Variants in COL14A1 observed in about 807,000 individuals in gnomAD.
COL14A1 encodes collagen type XIV alpha 1 chain.
COL14A1 carries 136 observed loss-of-function variants against 230.3 expected under a neutral mutation model. The observed-to-expected ratio is 0.59, with a 90% confidence interval of 0.51 to 0.68. The LOEUF is 0.68. Ranked by LOEUF, COL14A1 falls within the 30% of genes least tolerant of loss-of-function variation. The pLI is 0.00. For missense variants in COL14A1, 1,976 were observed against 2,215.8 expected, an observed-to-expected ratio of 0.89 and a Z score of 2.17; for synonymous variants, 792 against 784.1, an observed-to-expected ratio of 1.01 and a Z score of -0.17.
intron 6 of COL14A1, among the ~76,000 whole-genome samples, chr8:120,197,430 A>T (rs1266902179): frequency 2.6e-5 from 4 of 152,112 alleles, no homozygotes; most frequent in Admixed American, 6.6e-5. Context: ...AAAATAATAA[A>T]TCTTTATTAA....
intron 1 of COL14A1, among the ~76,000 whole-genome samples, chr8:120,130,301 C>A (rs1308615824): frequency 6.6e-6 from 1 of 152,222 alleles, no homozygotes; most frequent in East Asian, 1.9e-4. Context: ...CATAGACCAG[C>A]TACTTTGAGT....
intron 5 of COL14A1, among the ~76,000 whole-genome samples, chr8:120,195,936 G>T (rs1207839736): frequency 6.6e-6 from 1 of 152,110 alleles, no homozygotes; most frequent in Admixed American, 6.5e-5. Context: ...AATAGAAATG[G>T]TGAGTTTCCC....
intron 13 of COL14A1, among the ~76,000 whole-genome samples, chr8:120,215,005 C>G (rs1276123753): frequency 6.6e-6 from 1 of 152,134 alleles, no homozygotes; most frequent in Non-Finnish European, 1.5e-5. Flanking sequence ...CAGCTAGTGG[C>G]ATGGAAAAGG....
chr8:120,315,570 G>A lies in COL14A1; in HGVS notation c.4589G>A (p.Gly1530Asp), dbSNP rs1260599743. 6.2e-7 allele frequency: 1 copy of A among 1,613,432 alleles called. No homozygotes were observed. Among genetic ancestry groups the A allele is most frequent in the Admixed American group, 1.7e-5 (1 of 59,982 alleles). The change falls in exon 39 of 48, where the codon GGC becomes GAC. Residue 1530 changes from glycine (G) to aspartate (D), a missense_variant. Around this residue, in one of 3 missense-constraint regions of COL14A1, gnomAD observed 1,791 missense variants for 2,019.5 expected, o/e 0.89. Transcript: ENST00000297848. Reference sequence around the variant, plus strand: ...GAAAAAGGAGAGAAAGGAGATACTGGCCTTCCAGGTCCACAGGTATTATTT... The same window carrying A: ...GAAAAAGGAGAGAAAGGAGATACTGACCTTCCAGGTCCACAGGTATTATTT... ...PGEKGEKGDT[G>D]LPGPQGIPGG... is the part of the protein sequence containing the mutation.
chr8:120,268,292 G>C (rs1263029832), intron 25 of COL14A1, among the ~76,000 whole-genome samples: 1 of 151,588 alleles, frequency 6.6e-6, no homozygotes, highest in Non-Finnish European at 1.5e-5. Context: ...GCCTTCTTTA[G>C]TCTCAACATC....
At chr8:120,299,288 C>A (rs909291188) in intron 35 of COL14A1, among the ~76,000 whole-genome samples, 2 of 151,980 alleles carry the variant, frequency 1.3e-5, no homozygotes, top group African/African-American at 4.8e-5. Flanking sequence ...TTGCAAGCAC[C>A]AAATTCATGG....
chr8:120,305,876 TAA>T (rs1820845331), intron 36 of COL14A1, among the ~76,000 whole-genome samples: 1 of 152,200 alleles, frequency 6.6e-6, no homozygotes, highest in Admixed American at 6.5e-5. Flanking sequence ...ATACTTAGTT[TAA>T]CAATGTTTAA....
At chr8:120,220,798 A>T (rs1408911870) in intron 14 of COL14A1, among the ~76,000 whole-genome samples, 1 of 152,022 alleles carries the variant, frequency 6.6e-6, no homozygotes, top group Non-Finnish European at 1.5e-5. Context: ...GATGGTGATG[A>T]TAATGGTGAT....
chr8:120,228,628 A>T, intron 17 of COL14A1, 82 bp from the exon 18 acceptor site: 1 of 1,049,258 alleles, frequency 9.5e-7, no homozygotes, highest in Non-Finnish European at 1.5e-6. Flanking sequence ...ATATAGGTGA[A>T]ATGTTCTTTG....
intron 22 of COL14A1, among the ~76,000 whole-genome samples, chr8:120,254,927 G>A (rs775306999): frequency 1.3e-5 from 2 of 152,084 alleles, no homozygotes; most frequent in Non-Finnish European, 2.9e-5. Context: ...AGGAGGTTGA[G>A]GTTACAGTGA....
chr8:120,271,639 T>C (rs1321979045), intron 26 of COL14A1, among the ~76,000 whole-genome samples: 1 of 151,606 alleles, frequency 6.6e-6, no homozygotes, highest in Non-Finnish European at 1.5e-5. Context: ...GAGAAAATGA[T>C]AAGTACAGAG....
At chr8:120,172,333 T>G (rs1343503702) in intron 5 of COL14A1, among the ~76,000 whole-genome samples, 1 of 152,140 alleles carries the variant, frequency 6.6e-6, no homozygotes, top group East Asian at 1.9e-4. Context: ...GTATTTTTAG[T>G]AGACATGGGG....
At chr8:120,290,084 T>G (rs1820328065) in intron 34 of COL14A1, among the ~76,000 whole-genome samples, 1 of 152,154 alleles carries the variant, frequency 6.6e-6, no homozygotes, top group Admixed American at 6.6e-5. Flanking sequence ...CATCACATGG[T>G]TTGGGGCATA....
At chr8:120,194,161 C>T (rs758205964) in intron 5 of COL14A1, among the ~76,000 whole-genome samples, 97 of 152,292 alleles carry the variant, frequency 6.4e-4, no homozygotes, top group Middle Eastern at 3.4e-3. Flanking sequence ...TGGAAGCTGT[C>T]GACCGGAGCC....
At chr8:120,190,510 T>C (rs896508155) in intron 5 of COL14A1, among the ~76,000 whole-genome samples, 1 of 152,172 alleles carries the variant, frequency 6.6e-6, no homozygotes, top group Non-Finnish European at 1.5e-5. Context: ...TTTGTCAATT[T>C]TGGCTTTTGT....
At chr8:120,344,944 G>C (rs969809624) in intron 44 of COL14A1, among the ~76,000 whole-genome samples, 10 of 152,158 alleles carry the variant, frequency 6.6e-5, no homozygotes, top group African/African-American at 2.4e-4. Context: ...GATGAGTTGA[G>C]ACAGAGCACT....
At chr8:120,225,519 A>G (rs1480315465) in intron 15 of COL14A1, among the ~76,000 whole-genome samples, 1 of 152,164 alleles carries the variant, frequency 6.6e-6, no homozygotes, top group Non-Finnish European at 1.5e-5. Context: ...TAAAACTTCT[A>G]CATCCTTCTT....
chr8:120,285,013 AG>A (rs1199415206), intron 32 of COL14A1, among the ~76,000 whole-genome samples: 1 of 152,160 alleles, frequency 6.6e-6, no homozygotes, highest in Non-Finnish European at 1.5e-5. Flanking sequence ...TCTAATTCAT[AG>A]TATCTTTTAA....
At chr8:120,269,171 A>G (rs920670220) in intron 25 of COL14A1, among the ~76,000 whole-genome samples, 2 of 151,840 alleles carry the variant, frequency 1.3e-5, no homozygotes, top group African/African-American at 4.8e-5. Flanking sequence ...TAAGATTAAA[A>G]GATTCAGACT....
Sources: gnomAD v4.1 joint callset for allele counts (sites outside exome capture counted in the v4.1 genomes callset) on GRCh38, gnomAD v4.1.1 for gene constraint, gnomAD v4.1.1 regional missense constraint, MANE v1.5 for transcripts, NCBI Gene and HGNC (gene_info 2026-07-23, HGNC 2026-07-21) for gene names.